HIVEP3: variants seen among roughly 807,000 people sequenced by gnomAD.
HIVEP3 encodes the protein HIVEP zinc finger 3, also known as transcription factor HIVEP3.
HIVEP3 carries 49 observed loss-of-function variants against 152.8 expected under a neutral mutation model. The observed-to-expected ratio is 0.32, with a 90% CI of 0.26 to 0.41. HIVEP3 has a LOEUF of 0.41. Among genes scored for constraint, HIVEP3 ranks in the 10% least tolerant of loss-of-function variants. The pLI is 1.00. For synonymous variants in HIVEP3, 1,269 were observed against 1,289.0 expected (o/e 0.98, Z 0.33); for missense variants, 2,790 against 3,103.3 (o/e 0.90, Z 2.40).
chr1:41,784,124 G>C (rs1006133577), intron 1 of HIVEP3, among the ~76,000 whole-genome samples: 4 of 152,224 alleles, frequency 2.6e-5, no homozygotes, highest in Non-Finnish European at 5.9e-5. Context: ...CTTCCAGGGA[G>C]AGCAGGGTTC....
chr1:41,577,602 A>G (rs1323346630), intron 4 of HIVEP3, among the ~76,000 whole-genome samples: 3 of 152,228 alleles, frequency 2.0e-5, no homozygotes, highest in Non-Finnish European at 2.9e-5. Context: ...TGACCAAACA[A>G]AAACATCATG....
At chr1:41,639,076 G>A (rs559301240) in intron 2 of HIVEP3, among the ~76,000 whole-genome samples, 2 of 152,362 alleles carry the variant, frequency 1.3e-5, no homozygotes, top group African/African-American at 4.8e-5. Flanking sequence ...TCTGCAGAAG[G>A]GGCCGGCACA....
At chr1:42,017,946 G>C (rs184861379) in intron 1 of HIVEP3, among the ~76,000 whole-genome samples, 1 of 151,984 alleles carries the variant, frequency 6.6e-6, no homozygotes. Flanking sequence ...GGTATTGTCC[G>C]ACTTTTTAAA....
At chr1:42,006,008 TA>T (rs1480430303) in intron 1 of HIVEP3, among the ~76,000 whole-genome samples, 1 of 152,134 alleles carries the variant, frequency 6.6e-6, no homozygotes, top group African/African-American at 2.4e-5. Flanking sequence ...TATTTTTCTA[TA>T]AAACAGTTCT....
rs566221611 is a variant in HIVEP3 at position 41,788,041 on chromosome 1, G to T, written c.-800-87046C>A. On this transcript the variant is annotated intron_variant, in intron 1 of 8. Coordinates refer to ENST00000372583, the MANE Select transcript of HIVEP3 (RefSeq NM_024503.5). ...CTTTGGGCTCAAGCAAAGCTGCTCT[G>T]GGGCTCAGGTGACCCGGTGCCACCC... Among the ~76,000 whole-genome samples, 277 of 152,278 alleles carry T rather than the reference G, an allele frequency of 1.8e-3. 1 individual carries two copies. The highest frequency in any genetic ancestry group is 6.1e-3 in the African/African-American group (254 of 41,566).
intron 1 of HIVEP3, among the ~76,000 whole-genome samples, chr1:41,726,678 A>G (rs1156681995): frequency 6.6e-6 from 1 of 152,228 alleles, no homozygotes; most frequent in Non-Finnish European, 1.5e-5. Flanking sequence ...GCCCAAGTGC[A>G]ATACTGAGAC....
At chr1:42,026,089 T>G (rs116204012) in intron 1 of HIVEP3, among the ~76,000 whole-genome samples, 2,044 of 151,364 alleles carry the variant, frequency 0.014, 50 homozygotes, top group African/African-American at 0.046. Context: ...AAAAAAAAAA[T>G]CTGCGAAAAG....
upstream of HIVEP3, among the ~76,000 whole-genome samples, chr1:41,921,754 T>C (rs1051355539): frequency 1.3e-5 from 2 of 152,124 alleles, no homozygotes; most frequent in Non-Finnish European, 2.9e-5. Flanking sequence ...ATCAGGAACA[T>C]GGTCAGTTTC....
At chr1:41,887,067 A>G (rs546476847) in intron 1 of HIVEP3, among the ~76,000 whole-genome samples, 135 of 150,880 alleles carry the variant, frequency 8.9e-4, no homozygotes, top group Non-Finnish European at 1.4e-3. Context: ...GTAACTATCA[A>G]TAATAAAAAA....
At chr1:41,990,051 G>A (rs1419583998) in intron 1 of HIVEP3, among the ~76,000 whole-genome samples, 6 of 76,506 alleles carry the variant, frequency 7.8e-5, no homozygotes, top group Admixed American at 1.4e-4. Flanking sequence ...ATTTTGCAGC[G>A]GCTGGTACCG....
intron 1 of HIVEP3, among the ~76,000 whole-genome samples, chr1:41,953,627 G>A (rs1645122626): frequency 6.6e-6 from 1 of 152,172 alleles, no homozygotes; most frequent in South Asian, 2.1e-4. Context: ...CTTTATAAAT[G>A]TCTGAGAAAT....
intron 1 of HIVEP3, among the ~76,000 whole-genome samples, chr1:41,825,074 T>G (rs1642757146): frequency 6.6e-6 from 1 of 151,990 alleles, no homozygotes; most frequent in African/African-American, 2.4e-5. Flanking sequence ...GCAACAAGGC[T>G]GTTTATTCAC....
intron 1 of HIVEP3, among the ~76,000 whole-genome samples, chr1:41,749,602 C>T (rs941514622): frequency 2.6e-5 from 4 of 152,178 alleles, no homozygotes; most frequent in Admixed American, 1.3e-4. Context: ...ATAGATCAGC[C>T]GTGTGCTCTC....
intron 1 of HIVEP3, among the ~76,000 whole-genome samples, chr1:41,982,108 G>T (rs1485913409): frequency 6.6e-6 from 1 of 152,156 alleles, no homozygotes; most frequent in Admixed American, 6.5e-5. Flanking sequence ...TTTCTTTATC[G>T]TGGTACTTTA....
chr1:41,676,849 C>T (rs1189181005), intron 2 of HIVEP3, among the ~76,000 whole-genome samples: 1 of 152,176 alleles, frequency 6.6e-6, no homozygotes, highest in Non-Finnish European at 1.5e-5. Flanking sequence ...CCAATCACAG[C>T]ACCTCCCTAG....
intron 6 of HIVEP3, among the ~76,000 whole-genome samples, chr1:41,521,060 G>C (rs1642747348): frequency 6.6e-6 from 1 of 152,216 alleles, no homozygotes; most frequent in Non-Finnish European, 1.5e-5. Context: ...GGCAGCCTTG[G>C]GTTTGACTGT....
At chr1:41,793,931 A>G (rs986798892) in intron 1 of HIVEP3, among the ~76,000 whole-genome samples, 2 of 152,224 alleles carry the variant, frequency 1.3e-5, no homozygotes, top group Non-Finnish European at 2.9e-5. Flanking sequence ...CACATCTATA[A>G]CTGCATAGAT....
rs569275580 is a variant in HIVEP3, at chr1:41,852,212, C to T, written c.-801+66201G>A. 1.2e-4 allele frequency among the ~76,000 whole-genome samples: 18 copies of T among 152,320 alleles called. No individual in the cohort carries two copies. In the East Asian group the frequency reaches 2.1e-3, roughly 18 times the overall value. On this transcript the variant is annotated intron_variant, in intron 1 of 8. Coordinates refer to ENST00000372583, the MANE Select transcript of HIVEP3 (RefSeq NM_024503.5). ...ACCCCAGGCTGCTGCGTGGGAGCCCCGGCTCAAGAGCAGAAGCCCTAAGGT... is the reference window on the plus strand; with the variant it reads ...ACCCCAGGCTGCTGCGTGGGAGCCCTGGCTCAAGAGCAGAAGCCCTAAGGT...
rs372580357 is a variant in HIVEP3, at chr1:41,582,014, C to T, written c.2784G>A (p.Leu928=). Residue 928 remains leucine, a synonymous_variant, in exon 4 of 9, where the codon CTG becomes CTA. Transcript: ENST00000372583. This position sits in a 1 kb window ranked among gnomAD's most constrained non-coding sequence, Gnocchi z 4.7. ...GESSFESSVP[L]SRSPSQESNV... ...TGCTTTCCTGGCTCGGGCTGCGAGA[C>T]AGAGGCACAGAGGACTCGAAGCTGG... 2 of 1,614,160 alleles carry T rather than the reference C, an allele frequency of 1.2e-6. No homozygotes were observed. The highest frequency in any genetic ancestry group is 1.1e-5 in the South Asian group (1 of 91,078).
Sources: allele counts gnomAD v4.1 joint callset (sites outside exome capture counted in the v4.1 genomes callset), GRCh38; gene constraint gnomAD v4.1.1; non-coding constraint Gnocchi (gnomAD v3.1); transcripts MANE v1.5; gene names NCBI Gene and HGNC (gene_info 2026-07-23, HGNC 2026-07-21).